C1QTNF9: variants seen among roughly 807,000 people sequenced by gnomAD.
C1QTNF9 encodes C1q and TNF related 9.
In C1QTNF9, 6 loss-of-function variants were observed where a neutral mutation model predicts 10.1. The ratio of observed to expected loss-of-function variants is 0.59; its 90% confidence interval spans 0.32 to 1.17. C1QTNF9 has a LOEUF of 1.17. C1QTNF9 is among the 50% of genes most tolerant of loss of function. The pLI, the probability that C1QTNF9 is intolerant of heterozygous loss-of-function variation, is 0.04. For synonymous variants in C1QTNF9, 98 were observed against 163.5 expected (o/e 0.60, Z 3.06); for missense variants, 201 against 418.8 (o/e 0.48, Z 4.54).
intron 2 of C1QTNF9, among the ~76,000 whole-genome samples, chr13:24,317,003 C>G (rs1593534670): frequency 6.6e-6 from 1 of 152,202 alleles, no homozygotes; most frequent in African/African-American, 2.4e-5. Flanking sequence ...TCTAACACAT[C>G]TCAGCTTATG....
upstream of C1QTNF9, among the ~76,000 whole-genome samples, chr13:24,309,281 TATTATATATATATATA>T (rs750150546): frequency 0.61 from 47,418 of 77,372 alleles, 10,544 homozygotes; most frequent in Admixed American, 0.64. Context: ...GAACTTAAAG[TATTATATATATATATA>T]TATATATATA....
At chr13:24,320,709 A>C (rs535067329) in intron 3 of C1QTNF9, among the ~76,000 whole-genome samples, 10 of 147,656 alleles carry the variant, frequency 6.8e-5, no homozygotes, top group South Asian at 4.3e-4. Context: ...TTATTTTCTT[A>C]TTTTTCTTTT....
At chr13:24,321,574 G>A in exon 4 of C1QTNF9, 1 of 1,613,784 alleles carries the variant, frequency 6.2e-7, no homozygotes, top group Non-Finnish European at 8.5e-7. Context: ...GGTCAAAAAT[G>A]GAGTAAAAAT....
At chr13:24,311,186 C>T (rs1877807494) in intron 1 of C1QTNF9, among the ~76,000 whole-genome samples, 1 of 152,018 alleles carries the variant, frequency 6.6e-6, no homozygotes, top group African/African-American at 2.4e-5. Context: ...GGAGTGATAA[C>T]CTTGGCTGTA....
chr13:24,310,639 C>T (rs903696480), intron 1 of C1QTNF9, among the ~76,000 whole-genome samples: 5 of 151,526 alleles, frequency 3.3e-5, no homozygotes, highest in East Asian at 2.0e-4. Context: ...GAAGGCTGGG[C>T]GCGGTGGCTC....
rs548871235 is a variant in C1QTNF9, at chr13:24,318,506, C to T, written c.167-312C>T. 5.5e-4 allele frequency among the ~76,000 whole-genome samples: 82 copies of T among 148,780 alleles called. 1 individual carries two copies. Among genetic ancestry groups the T allele is most frequent in the African/African-American group, 1.9e-3 (78 of 40,598 alleles). ...CCTTGTCGCAGGAGAGGAACACAAT[C>T]GTGACAGTCAGTCCCCATTGCACAC... On this transcript the variant is annotated intron_variant, in intron 2 of 3. Coordinates refer to ENST00000332018, the Ensembl canonical transcript of C1QTNF9.
At chr13:24,308,030 G>A (rs576003484), upstream of C1QTNF9, among the ~76,000 whole-genome samples, 1 of 152,318 alleles carries the variant, frequency 6.6e-6, no homozygotes, top group African/African-American at 2.4e-5. Context: ...TGAGTGGGGT[G>A]TCAGCAAAGC....
chr13:24,312,848 G>C (rs1402238973), intron 1 of C1QTNF9, among the ~76,000 whole-genome samples: 3 of 151,816 alleles, frequency 2.0e-5, no homozygotes, highest in African/African-American at 7.3e-5. Context: ...CCAGCTACTC[G>C]GGAGGCTGAG....
intron 1 of C1QTNF9, among the ~76,000 whole-genome samples, chr13:24,310,130 G>A (rs781559646): frequency 5.9e-5 from 9 of 151,822 alleles, no homozygotes; most frequent in Non-Finnish European, 1.3e-4. Flanking sequence ...CTGACCTTAT[G>A]ATCCAACCGC....
chr13:24,318,606 C>T (rs1031979905), intron 2 of C1QTNF9, among the ~76,000 whole-genome samples: 9 of 152,150 alleles, frequency 5.9e-5, no homozygotes, highest in Non-Finnish European at 1.2e-4. Flanking sequence ...TCACTCAGTT[C>T]ATTTCTTAGG....
chr13:24,311,523 G>A (rs1348402198), intron 1 of C1QTNF9, among the ~76,000 whole-genome samples: 1 of 152,178 alleles, frequency 6.6e-6, no homozygotes, highest in Admixed American at 6.5e-5. Context: ...GTCCAAGGCA[G>A]TGACTGTTGT....
chr13:24,307,696 A>G (rs948616888), upstream of C1QTNF9, among the ~76,000 whole-genome samples: 3 of 152,230 alleles, frequency 2.0e-5, no homozygotes, highest in African/African-American at 4.8e-5. Context: ...CCCAGAACCC[A>G]TAGGGCAGAG....
chr13:24,318,271 T>G (rs3864974), intron 2 of C1QTNF9, among the ~76,000 whole-genome samples: 1 of 152,182 alleles, frequency 6.6e-6, no homozygotes, highest in African/African-American at 2.4e-5. Flanking sequence ...TCTGCCAGCT[T>G]GATTGGTGGC....
At chr13:24,308,012 C>T (rs1390362092), upstream of C1QTNF9, among the ~76,000 whole-genome samples, 1 of 152,216 alleles carries the variant, frequency 6.6e-6, no homozygotes, top group Non-Finnish European at 1.5e-5. Context: ...GAGGAAGAAC[C>T]CACGGAGTGA....
chr13:24,311,719 A>G (rs1361210822), intron 1 of C1QTNF9, among the ~76,000 whole-genome samples: 1 of 152,210 alleles, frequency 6.6e-6, no homozygotes, highest in South Asian at 2.1e-4. Flanking sequence ...ACAGTGGCTT[A>G]TGCAAGATAG....
exon 1 of C1QTNF9, chr13:24,309,583 G>C (rs1384674176): frequency 6.6e-6 from 1 of 152,076 alleles, no homozygotes; most frequent in Admixed American, 6.6e-5. Flanking sequence ...GGTTTGCACA[G>C]TATCTGGGTC....
chr13:24,322,022 G>C (rs1427286035), exon 4 of C1QTNF9: 1 of 466,972 alleles, frequency 2.1e-6, no homozygotes. Flanking sequence ...TCCCTCGTCT[G>C]TGCGTTTCTT....
intron 3 of C1QTNF9, among the ~76,000 whole-genome samples, chr13:24,319,347 TG>T (rs1370751724): frequency 6.6e-6 from 1 of 152,040 alleles, no homozygotes; most frequent in Non-Finnish European, 1.5e-5. Flanking sequence ...CAGACCACCC[TG>T]GGCAACATAG....
chr13:24,311,322 G>A (rs949258240), intron 1 of C1QTNF9, among the ~76,000 whole-genome samples: 1 of 152,200 alleles, frequency 6.6e-6, no homozygotes, highest in African/African-American at 2.4e-5. Flanking sequence ...TCAGAAATAA[G>A]TGAACTAAAT....
Sources: allele counts gnomAD v4.1 joint callset (sites outside exome capture counted in the v4.1 genomes callset), GRCh38; gene constraint gnomAD v4.1.1; transcripts MANE v1.5; gene names NCBI Gene and HGNC (gene_info 2026-07-23, HGNC 2026-07-21).